The following CDH13 variants were observed in gnomAD, a reference collection of about 807,000 sequenced individuals.
CDH13 encodes the protein cadherin 13, also known as cadherin-13.
A neutral mutation model predicts 63.8 loss-of-function variants in CDH13; 24 were observed. The observed-to-expected ratio is 0.38, with a 90% CI of 0.27 to 0.53. CDH13 has a LOEUF of 0.53. Ranked by LOEUF, CDH13 falls within the 20% of genes least tolerant of loss-of-function variation. The pLI is 0.85. For synonymous variants in CDH13, 503 were observed against 355.3 expected (o/e 1.42, Z -4.67); for missense variants, 1,049 against 903.1 (o/e 1.16, Z -2.07).
intron 1 of CDH13, chr16:82,826,755 T>G (rs1296674070): frequency 6.6e-6 from 1 of 152,232 alleles, no homozygotes; most frequent in Non-Finnish European, 1.5e-5. Context: ...GTGGATTTGC[T>G]GGTGAAACAG....
chr16:83,018,392 T>A (rs903670892), intron 2 of CDH13, among the ~76,000 whole-genome samples: 15 of 152,316 alleles, frequency 9.8e-5, no homozygotes, highest in South Asian at 2.1e-4. Context: ...GAAAAAATGA[T>A]GTTTTTAATG....
At chr16:82,860,374 T>G (rs1284877252) in intron 2 of CDH13, among the ~76,000 whole-genome samples, 1 of 27,722 alleles carries the variant, frequency 3.6e-5, no homozygotes, top group African/African-American at 1.7e-4. Flanking sequence ...GTATCACAGT[T>G]GTGTGTGTGT....
chr16:83,591,862 C>T (rs1221860198), intron 7 of CDH13, among the ~76,000 whole-genome samples: 6 of 152,208 alleles, frequency 3.9e-5, no homozygotes, highest in Admixed American at 2.6e-4. Context: ...GAACCAGAAT[C>T]AGCCTTCCCT....
At chr16:83,133,077 C>G (rs75514860) in intron 4 of CDH13, among the ~76,000 whole-genome samples, 3,795 of 152,316 alleles carry the variant, frequency 0.025, 78 homozygotes, top group East Asian at 0.11. Flanking sequence ...ATGGTACCCA[C>G]TAACCACATG....
intron 2 of CDH13, among the ~76,000 whole-genome samples, chr16:82,978,315 C>A (rs574851663): frequency 6.6e-6 from 1 of 152,200 alleles, no homozygotes; most frequent in African/African-American, 2.4e-5. Flanking sequence ...GGGAGAAATT[C>A]AAGGCTGTTG....
intron 5 of CDH13, among the ~76,000 whole-genome samples, chr16:83,260,175 T>G (rs1447420779): frequency 6.8e-6 from 1 of 147,168 alleles, no homozygotes; most frequent in African/African-American, 2.5e-5. Flanking sequence ...CAAATAATAC[T>G]TAGTCTATGT....
At chr16:83,578,162 A>G (rs1442360257) in intron 7 of CDH13, among the ~76,000 whole-genome samples, 2 of 152,174 alleles carry the variant, frequency 1.3e-5, no homozygotes, top group Non-Finnish European at 2.9e-5. Context: ...TCAGAGTATT[A>G]TGAGTTTGTT....
chr16:83,675,929 T>A (rs965663427), intron 9 of CDH13, among the ~76,000 whole-genome samples: 3 of 152,222 alleles, frequency 2.0e-5, no homozygotes, highest in African/African-American at 7.2e-5. Context: ...ATGCAATATT[T>A]ATTTAGAGCC....
chr16:83,314,366 G>C (rs1397051030), intron 5 of CDH13, among the ~76,000 whole-genome samples: 2 of 151,828 alleles, frequency 1.3e-5, no homozygotes, highest in Admixed American at 1.3e-4. Context: ...AAAATAATTT[G>C]GTATTTAAAA....
intron 4 of CDH13, among the ~76,000 whole-genome samples, chr16:83,204,159 C>T (rs573046663): frequency 1.3e-5 from 2 of 152,312 alleles, no homozygotes; most frequent in East Asian, 1.9e-4. Flanking sequence ...GGCTCAATGC[C>T]TTGTTGGGTC....
At chr16:82,978,778 T>C (rs546070101) in intron 2 of CDH13, among the ~76,000 whole-genome samples, 4 of 152,340 alleles carry the variant, frequency 2.6e-5, no homozygotes, top group African/African-American at 7.2e-5. Flanking sequence ...AAGGGAAATA[T>C]GGGGTTGGAG....
intron 1 of CDH13, among the ~76,000 whole-genome samples, chr16:82,673,004 T>TTTC (rs1567612764): frequency 1.6e-5 from 2 of 123,674 alleles, no homozygotes; most frequent in African/African-American, 6.4e-5. Context: ...GTTTTCTTTT[T>TTTC]TTTTTTTTTT....
intron 1 of CDH13, among the ~76,000 whole-genome samples, chr16:82,751,585 C>T (rs1252529567): frequency 6.6e-6 from 1 of 151,906 alleles, no homozygotes; most frequent in Non-Finnish European, 1.5e-5. Flanking sequence ...GGACAGAGCC[C>T]CAGGTTCCTG....
intron 1 of CDH13, among the ~76,000 whole-genome samples, chr16:82,660,334 AG>A (rs1248602093): frequency 5.9e-5 from 9 of 152,306 alleles, no homozygotes; most frequent in African/African-American, 2.2e-4. Flanking sequence ...AGTTAAGTCA[AG>A]GGTGGTATTT....
intron 1 of CDH13, among the ~76,000 whole-genome samples, chr16:82,702,548 C>A (rs886309425): frequency 4.6e-5 from 7 of 152,122 alleles, no homozygotes; most frequent in African/African-American, 1.7e-4. Context: ...TTTCTGATTC[C>A]CATCAGATGA....
chr16:82,688,559 C>T (rs912560547), intron 1 of CDH13, among the ~76,000 whole-genome samples: 1 of 152,186 alleles, frequency 6.6e-6, no homozygotes, highest in South Asian at 2.1e-4. Flanking sequence ...AATAAAACAT[C>T]AACTATGACA....
chr16:82,949,017 T>C (rs1905028956), intron 2 of CDH13, among the ~76,000 whole-genome samples: 1 of 152,176 alleles, frequency 6.6e-6, no homozygotes, highest in Non-Finnish European at 1.5e-5. Flanking sequence ...TGAGAGAGTT[T>C]TCAAATCTTT....
At chr16:83,103,305 C>T (rs1480193430) in intron 3 of CDH13, among the ~76,000 whole-genome samples, 4 of 102,926 alleles carry the variant, frequency 3.9e-5, no homozygotes, top group Non-Finnish European at 8.2e-5. Flanking sequence ...AGTGCTGTGG[C>T]GTGAACTCAG....
intron 4 of CDH13, among the ~76,000 whole-genome samples, chr16:83,184,144 A>G (rs1043529868): frequency 7.8e-6 from 1 of 128,646 alleles, no homozygotes; most frequent in Non-Finnish European, 1.6e-5. Context: ...ACACACAACT[A>G]GTAAAAAAAA....
Sources: allele counts gnomAD v4.1 joint callset (sites outside exome capture counted in the v4.1 genomes callset), GRCh38; gene constraint gnomAD v4.1.1; transcripts MANE v1.5; gene names NCBI Gene and HGNC (gene_info 2026-07-23, HGNC 2026-07-21).